Variants in PTPRD observed in about 807,000 individuals in gnomAD.
PTPRD encodes protein tyrosine phosphatase receptor type D.
In PTPRD, 34 loss-of-function variants were observed where a neutral mutation model predicts 214.5. The ratio of observed to expected loss-of-function variants is 0.16; its 90% CI spans 0.12 to 0.21. PTPRD has a LOEUF of 0.21. Ranked by LOEUF, PTPRD falls within the 10% of genes least tolerant of loss-of-function variation. The pLI, the probability that PTPRD is intolerant of heterozygous loss-of-function variation, is 1.00. For missense variants in PTPRD, 2,545 were observed against 2,398.7 expected (o/e 1.06, Z -1.27); for synonymous variants, 1,128 against 845.7 (o/e 1.33, Z -5.79).
chr9:9,355,228 C>G (rs2053291722), intron 9 of PTPRD, among the ~76,000 whole-genome samples: 1 of 151,324 alleles, frequency 6.6e-6, no homozygotes. Flanking sequence ...CCAATTATAC[C>G]TCGAAAAAGC....
chr9:10,218,725 A>G (rs1038677461), intron 3 of PTPRD, among the ~76,000 whole-genome samples: 1 of 151,854 alleles, frequency 6.6e-6, no homozygotes, highest in African/African-American at 2.4e-5. Flanking sequence ...AAGTTCACCA[A>G]ATGCACTGGA....
chr9:9,061,234 G>A (rs16928839), intron 10 of PTPRD, among the ~76,000 whole-genome samples: 11,506 of 152,094 alleles, frequency 0.076, 465 homozygotes, highest in Middle Eastern at 0.13. Context: ...TTTTCTATGC[G>A]TTATACTGCA....
chr9:9,874,316 C>G (rs968908153), intron 5 of PTPRD, among the ~76,000 whole-genome samples: 9 of 152,022 alleles, frequency 5.9e-5, no homozygotes, highest in African/African-American at 1.2e-4. Context: ...TTATATAATC[C>G]CTAGCCATAA....
chr9:10,004,568 T>A (rs529270102), intron 4 of PTPRD, among the ~76,000 whole-genome samples: 6 of 151,886 alleles, frequency 4.0e-5, no homozygotes, highest in Non-Finnish European at 8.8e-5. Flanking sequence ...TATTATACAA[T>A]AAATAATTAA....
intron 9 of PTPRD, among the ~76,000 whole-genome samples, chr9:9,195,399 TA>T (rs2099937956): frequency 6.6e-6 from 1 of 152,086 alleles, no homozygotes; most frequent in Non-Finnish European, 1.5e-5. Context: ...CTGTGTTCAC[TA>T]TCAACAGAAT....
intron 4 of PTPRD, among the ~76,000 whole-genome samples, chr9:9,949,653 A>G (rs1235384616): frequency 6.6e-6 from 1 of 152,128 alleles, no homozygotes; most frequent in East Asian, 1.9e-4. Flanking sequence ...CTGAATCTCT[A>G]CACTTTCATT....
chr9:8,439,574 T>C (rs114845268), intron 34 of PTPRD, among the ~76,000 whole-genome samples: 2,054 of 152,314 alleles, frequency 0.013, 49 homozygotes, highest in African/African-American at 0.047. Context: ...TATTATGATG[T>C]TATATCATAT....
intron 3 of PTPRD, among the ~76,000 whole-genome samples, chr9:10,198,017 T>G (rs1179218072): frequency 1.3e-5 from 2 of 152,110 alleles, no homozygotes; most frequent in Admixed American, 1.3e-4. Context: ...TAGAGATAAT[T>G]TAATCTTTTA....
chr9:9,378,540 G>C (rs1231107237), intron 9 of PTPRD, among the ~76,000 whole-genome samples: 2 of 152,126 alleles, frequency 1.3e-5, no homozygotes, highest in East Asian at 1.9e-4. Context: ...ATACTATGGA[G>C]ATTGTTGCAT....
At chr9:10,039,893 A>G (rs2097264435) in intron 3 of PTPRD, among the ~76,000 whole-genome samples, 1 of 152,062 alleles carries the variant, frequency 6.6e-6, no homozygotes, top group Non-Finnish European at 1.5e-5. Flanking sequence ...TGAGACATCT[A>G]TGATTTAAAA....
At chr9:8,502,602 C>T (rs1479960215) in intron 23 of PTPRD, among the ~76,000 whole-genome samples, 1 of 151,968 alleles carries the variant, frequency 6.6e-6, no homozygotes, top group Non-Finnish European at 1.5e-5. Context: ...TCTTATATCT[C>T]AAATTATAAA....
At chr9:8,648,488 T>C (rs997695338) in intron 12 of PTPRD, among the ~76,000 whole-genome samples, 9 of 152,244 alleles carry the variant, frequency 5.9e-5, no homozygotes, top group African/African-American at 1.2e-4. Context: ...CCATTCCTTA[T>C]GCCATAGTCA....
At chr9:9,772,582 C>G (rs1454480012) in intron 5 of PTPRD, among the ~76,000 whole-genome samples, 1 of 152,138 alleles carries the variant, frequency 6.6e-6, no homozygotes, top group Non-Finnish European at 1.5e-5. Flanking sequence ...TCTGCAAATG[C>G]CTTCTAAAGC....
intron 5 of PTPRD, among the ~76,000 whole-genome samples, chr9:9,858,410 T>C (rs2061986692): frequency 6.6e-6 from 1 of 152,220 alleles, no homozygotes; most frequent in Non-Finnish European, 1.5e-5. Context: ...TCAAATTTGG[T>C]GCATAATGAC....
chr9:8,827,553 G>A (rs958045971), intron 11 of PTPRD, among the ~76,000 whole-genome samples: 11 of 152,136 alleles, frequency 7.2e-5, no homozygotes, highest in Non-Finnish European at 2.9e-5. Context: ...GCTGCAGTGA[G>A]CCAAGATTGG....
intron 9 of PTPRD, among the ~76,000 whole-genome samples, chr9:9,189,797 A>G (rs1029248337): frequency 6.6e-6 from 1 of 152,052 alleles, no homozygotes; most frequent in Non-Finnish European, 1.5e-5. Context: ...GATGTGAAAT[A>G]TATTACTTTA....
intron 39 of PTPRD, among the ~76,000 whole-genome samples, chr9:8,350,664 C>T (rs1292929319): frequency 6.6e-6 from 1 of 152,124 alleles, no homozygotes; most frequent in Non-Finnish European, 1.5e-5. Context: ...CTACAAAAAA[C>T]AGACCCACAG....
chr9:8,732,611 T>C (rs2098672181), intron 12 of PTPRD, among the ~76,000 whole-genome samples: 1 of 152,218 alleles, frequency 6.6e-6, no homozygotes. Flanking sequence ...CACTCCCAAG[T>C]GCTAATTAGG....
intron 2 of PTPRD, among the ~76,000 whole-genome samples, chr9:10,374,426 A>T (rs2097688946): frequency 1.3e-5 from 2 of 152,014 alleles, no homozygotes; most frequent in Non-Finnish European, 2.9e-5. Flanking sequence ...ATACTCTTTC[A>T]GGGAAAGGCT....
Sources: allele counts gnomAD v4.1 joint callset (sites outside exome capture counted in the v4.1 genomes callset), GRCh38; gene constraint gnomAD v4.1.1; transcripts MANE v1.5; gene names NCBI Gene and HGNC (gene_info 2026-07-23, HGNC 2026-07-21).